AP3S1: variants seen among roughly 807,000 people sequenced by gnomAD.
AP3S1 encodes the protein adaptor related protein complex 3 subunit sigma 1.
In AP3S1, 12 loss-of-function variants were observed where a neutral mutation model predicts 21.3. That is an observed-to-expected ratio of 0.56 (90% confidence interval 0.36 to 0.91). The LOEUF is 0.91. Among genes scored for constraint, AP3S1 ranks in the 40% least tolerant of loss-of-function variants. The probability of loss-of-function intolerance (pLI) is 0.01; values close to 1 mark genes in which losing one functional copy is unlikely to be tolerated. For synonymous variants in AP3S1, 48 were observed against 78.4 expected, an observed-to-expected ratio of 0.61 and a Z score of 2.05; for missense variants, 116 against 225.0, an observed-to-expected ratio of 0.52 and a Z score of 3.10.
At chr5:115,871,470 C>G (rs767881484) in intron 3 of AP3S1, among the ~76,000 whole-genome samples, 4 of 152,170 alleles carry the variant, frequency 2.6e-5, no homozygotes, top group African/African-American at 4.8e-5. Context: ...TTATCTTTGT[C>G]TAAACTGTAA....
intron 5 of AP3S1, chr5:115,907,016 T>C: frequency 1.0e-6 from 1 of 977,896 alleles, no homozygotes; most frequent in African/African-American, 1.7e-5. Context: ...CTCCTTGTAG[T>C]TTCTTCATCT....
At chr5:115,864,009 G>GA (rs1007444343) in intron 1 of AP3S1, among the ~76,000 whole-genome samples, 4 of 152,148 alleles carry the variant, frequency 2.6e-5, no homozygotes, top group East Asian at 1.9e-4. Context: ...TCTGGAAAAA[G>GA]AAAAAAATCT....
chr5:115,907,667 G>A (rs771343999), intron 5 of AP3S1, among the ~76,000 whole-genome samples: 4 of 151,996 alleles, frequency 2.6e-5, no homozygotes, highest in Admixed American at 6.6e-5. Flanking sequence ...TAATGTTTTA[G>A]TATTGAATTA....
chr5:115,878,969 G>A (rs1485020123), intron 3 of AP3S1, among the ~76,000 whole-genome samples: 1 of 152,096 alleles, frequency 6.6e-6, no homozygotes, highest in Admixed American at 6.5e-5. Flanking sequence ...ATTGTGAATG[G>A]GAGTTCACTC....
At chr5:115,868,736 G>T (rs1279087480) in intron 2 of AP3S1, among the ~76,000 whole-genome samples, 2 of 151,814 alleles carry the variant, frequency 1.3e-5, no homozygotes, top group Non-Finnish European at 2.9e-5. Flanking sequence ...ACAAAAATCA[G>T]CCAGGTGTGG....
chr5:115,886,400 C>T (rs1008020580), intron 3 of AP3S1, among the ~76,000 whole-genome samples: 1 of 151,882 alleles, frequency 6.6e-6, no homozygotes, highest in Non-Finnish European at 1.5e-5. Flanking sequence ...AAACCAACCC[C>T]TCATCTTCCT....
chr5:115,901,355 A>G (rs1751191322), intron 4 of AP3S1, among the ~76,000 whole-genome samples: 1 of 150,988 alleles, frequency 6.6e-6, no homozygotes, highest in South Asian at 2.1e-4. Flanking sequence ...GTTCATACAT[A>G]AGTTTCTGTA....
intron 5 of AP3S1, among the ~76,000 whole-genome samples, chr5:115,907,858 G>A (rs1413382107): frequency 6.6e-6 from 1 of 152,034 alleles, no homozygotes; most frequent in Non-Finnish European, 1.5e-5. Flanking sequence ...CAACTATTTT[G>A]TGTGAAACCA....
At chr5:115,863,361 A>T (rs1464393718) in intron 1 of AP3S1, among the ~76,000 whole-genome samples, 1 of 151,290 alleles carries the variant, frequency 6.6e-6, no homozygotes, top group Non-Finnish European at 1.5e-5. Flanking sequence ...ATGCCATTGC[A>T]CTCCAGCCTG....
At chr5:115,887,901 G>A (rs931551528) in intron 3 of AP3S1, among the ~76,000 whole-genome samples, 1 of 152,052 alleles carries the variant, frequency 6.6e-6, no homozygotes, top group African/African-American at 2.4e-5. Flanking sequence ...GAAAACACAA[G>A]CATGTTTTAT....
At chr5:115,899,574 C>T (rs1313009555) in intron 4 of AP3S1, among the ~76,000 whole-genome samples, 1 of 152,188 alleles carries the variant, frequency 6.6e-6, no homozygotes, top group Non-Finnish European at 1.5e-5. Context: ...AGGTGTGAGC[C>T]ACCACCTGGC....
At chr5:115,906,793 T>A (rs1751691800) in intron 5 of AP3S1, 2 of 1,480,224 alleles carry the variant, frequency 1.4e-6, no homozygotes, top group African/African-American at 2.8e-5. Flanking sequence ...CTGATCTTTC[T>A]AGCTCTTTCC....
At chr5:115,851,763 G>T (rs1235037399) in intron 1 of AP3S1, among the ~76,000 whole-genome samples, 1 of 152,028 alleles carries the variant, frequency 6.6e-6, no homozygotes, top group Non-Finnish European at 1.5e-5. Flanking sequence ...TGATTCTGTG[G>T]TTGCCTTTTT....
At chr5:115,893,963 A>T (rs181638684) in intron 3 of AP3S1, among the ~76,000 whole-genome samples, 1 of 152,358 alleles carries the variant, frequency 6.6e-6, no homozygotes, top group Non-Finnish European at 1.5e-5. Context: ...TAGAATAGTC[A>T]GTGACAACTA....
At chr5:115,907,180 A>T (rs1484422060) in intron 5 of AP3S1, among the ~76,000 whole-genome samples, 1 of 152,232 alleles carries the variant, frequency 6.6e-6, no homozygotes, top group Non-Finnish European at 1.5e-5. Flanking sequence ...TTTACTTTGT[A>T]TATAAAAACG....
chr5:115,881,761 G>A (rs1204964510), intron 3 of AP3S1, among the ~76,000 whole-genome samples: 1 of 152,064 alleles, frequency 6.6e-6, no homozygotes, highest in Non-Finnish European at 1.5e-5. Flanking sequence ...GCTAGGTTGG[G>A]GAATTCCTCC....
chr5:115,912,857 T>A (rs763551038), intron 5 of AP3S1, among the ~76,000 whole-genome samples: 1 of 152,098 alleles, frequency 6.6e-6, no homozygotes, highest in African/African-American at 2.4e-5. Context: ...AAAAAACTAA[T>A]TTTATTGTTT....
chr5:115,886,181 C>T (rs1368180333), intron 3 of AP3S1, among the ~76,000 whole-genome samples: 6 of 152,078 alleles, frequency 3.9e-5, no homozygotes, highest in Non-Finnish European at 7.4e-5. Flanking sequence ...TGCAAAGGCT[C>T]AAATAAAATA....
intron 3 of AP3S1, among the ~76,000 whole-genome samples, chr5:115,888,482 TAGAA>T (rs1243608187): frequency 1.3e-5 from 2 of 152,162 alleles, no homozygotes; most frequent in Non-Finnish European, 2.9e-5. Flanking sequence ...AAAAGAAAAT[TAGAA>T]AGTCTTTTGA....
Sources: allele counts gnomAD v4.1 joint callset (sites outside exome capture counted in the v4.1 genomes callset), GRCh38; gene constraint gnomAD v4.1.1; transcripts MANE v1.5; gene names NCBI Gene and HGNC (gene_info 2026-07-23, HGNC 2026-07-21).